The following CDYL2 variants were observed in gnomAD, a reference collection of about 807,000 sequenced individuals.
The protein encoded by CDYL2 is chromodomain Y like 2, also known as chromodomain Y-like protein 2.
Under a neutral mutation model 49.4 loss-of-function variants are expected in CDYL2, and 23 were observed. The ratio of observed to expected loss-of-function variants is 0.47; its 90% confidence interval spans 0.34 to 0.66. The LOEUF (loss-of-function observed/expected upper bound fraction) is 0.66. Among genes scored for constraint, CDYL2 ranks in the 30% least tolerant of loss-of-function variants. The pLI, the probability that CDYL2 is intolerant of heterozygous loss-of-function variation, is 0.01. For synonymous variants in CDYL2, 360 were observed against 268.8 expected, an observed-to-expected ratio of 1.34 and a Z score of -3.32; for missense variants, 678 against 656.4, an observed-to-expected ratio of 1.03 and a Z score of -0.36.
In CDYL2 at chr16:80,677,472, C is replaced by T. The variant is rs190150709; in HGVS notation, c.616+7066G>A. Among the ~76,000 whole-genome samples, 518 of 152,264 alleles carry T rather than the reference C, an allele frequency of 3.4e-3. 4 individuals are homozygous for T. Among genetic ancestry groups the T allele is most frequent in the African/African-American group, 0.012 (491 of 41,554 alleles). On this transcript the variant is annotated intron_variant, in intron 2 of 6. Coordinates refer to ENST00000570137, the MANE Select transcript of CDYL2 (RefSeq NM_152342.4). ...AGGAGGTGTCGGCCAGGCGCAGTGGCGCACGCCTGGAATCCCAGCACTTTG... is the reference window on the plus strand; with the variant it reads ...AGGAGGTGTCGGCCAGGCGCAGTGGTGCACGCCTGGAATCCCAGCACTTTG...
At chr16:80,606,709 G>T (rs7194920) in intron 6 of CDYL2, among the ~76,000 whole-genome samples, 1 of 152,074 alleles carries the variant, frequency 6.6e-6, no homozygotes, top group South Asian at 2.1e-4. Flanking sequence ...AGCTCCCATA[G>T]TTCCCACATG....
chr16:80,754,598 C>G (rs1233526011), intron 1 of CDYL2, among the ~76,000 whole-genome samples: 1 of 152,196 alleles, frequency 6.6e-6, no homozygotes, highest in African/African-American at 2.4e-5. Flanking sequence ...TCCACAGCTT[C>G]TCAGTGCTGT....
intron 1 of CDYL2, among the ~76,000 whole-genome samples, chr16:80,786,703 A>T (rs939765398): frequency 2.6e-5 from 4 of 152,324 alleles, no homozygotes; most frequent in African/African-American, 9.6e-5. Context: ...GGATTAAGAA[A>T]ATGTGGCACA....
intron 2 of CDYL2, among the ~76,000 whole-genome samples, chr16:80,645,080 C>T (rs1366092348): frequency 2.6e-5 from 4 of 152,156 alleles, no homozygotes; most frequent in Non-Finnish European, 5.9e-5. Context: ...TAGGCATGGA[C>T]AGGGACTTCA....
At chr16:80,721,687 G>C (rs948219202) in intron 1 of CDYL2, among the ~76,000 whole-genome samples, 3 of 152,132 alleles carry the variant, frequency 2.0e-5, no homozygotes, top group African/African-American at 7.2e-5. Flanking sequence ...AATCAGGATT[G>C]AAATCAAGCA....
In CDYL2 at chr16:80,623,442, G is replaced by T. The variant is rs528811462; in HGVS notation, c.835-2507C>A. 2.0e-5 allele frequency among the ~76,000 whole-genome samples: 3 copies of T among 150,658 alleles called. No homozygotes were observed. The East Asian group carries it at 6.1e-4, about 30-fold the overall frequency. ...GTCCCCGTTTATATACTGACCCTACGGAACAGGTCAGCTTCTGCCCCAAGC... is the reference window on the plus strand; with the variant it reads ...GTCCCCGTTTATATACTGACCCTACTGAACAGGTCAGCTTCTGCCCCAAGC... On this transcript the variant is annotated intron_variant, in intron 3 of 6. Transcript: ENST00000570137.
In CDYL2 at chr16:80,781,954, A is replaced by G. The variant is rs535629913; in HGVS notation, c.24+22196T>C. Among the ~76,000 whole-genome samples the G allele has an allele frequency of 4.6e-5, 7 of 152,136 alleles. No individual in the cohort carries two copies. The South Asian group carries it at 1.2e-3, about 27-fold the overall frequency. Reference sequence around the variant, plus strand: ...AACACCTACATTAAAAAAGAAAAAAAAAGACATCAATAACCTAACTGCATA... The same window carrying G: ...AACACCTACATTAAAAAAGAAAAAAGAAGACATCAATAACCTAACTGCATA... On this transcript the variant is annotated intron_variant, in intron 1 of 6. Transcript: ENST00000570137.
At chr16:80,727,825 C>T (rs1191627205) in intron 1 of CDYL2, among the ~76,000 whole-genome samples, 1 of 152,184 alleles carries the variant, frequency 6.6e-6, no homozygotes, top group Admixed American at 6.5e-5. Context: ...AAAGGCACCC[C>T]CCAGCAGGGG....
intron 2 of CDYL2, among the ~76,000 whole-genome samples, chr16:80,665,634 C>T (rs1444119246): frequency 6.6e-6 from 1 of 151,838 alleles, no homozygotes; most frequent in Non-Finnish European, 1.5e-5. Context: ...GAACTCAGGA[C>T]AGACCCTCTT....
At chr16:80,785,334 A>G (rs534990134) in intron 1 of CDYL2, among the ~76,000 whole-genome samples, 1 of 152,288 alleles carries the variant, frequency 6.6e-6, no homozygotes, top group African/African-American at 2.4e-5. Flanking sequence ...ACAAACAGAG[A>G]GCCAAATCAT....
chr16:80,724,547 A>G (rs1905104855), intron 1 of CDYL2, among the ~76,000 whole-genome samples: 2 of 152,238 alleles, frequency 1.3e-5, no homozygotes, highest in African/African-American at 4.8e-5. Flanking sequence ...CCTCAAGCAC[A>G]TAACACACAC....
At chr16:80,782,990 C>T (rs187977244) in intron 1 of CDYL2, among the ~76,000 whole-genome samples, 1 of 152,160 alleles carries the variant, frequency 6.6e-6, no homozygotes, top group East Asian at 1.9e-4. Flanking sequence ...ACTGGAAGTT[C>T]TGCCTTAAAC....
chr16:80,768,213 A>G (rs1432316684), intron 1 of CDYL2, among the ~76,000 whole-genome samples: 1 of 152,080 alleles, frequency 6.6e-6, no homozygotes, highest in African/African-American at 2.4e-5. Flanking sequence ...CATACTAGAG[A>G]TCCTGACAAT....
At chr16:80,645,711 A>C (rs1224123567) in intron 2 of CDYL2, among the ~76,000 whole-genome samples, 1 of 152,078 alleles carries the variant, frequency 6.6e-6, no homozygotes, top group Non-Finnish European at 1.5e-5. Context: ...CACCATTCAC[A>C]ATAGCAAAGA....
chr16:80,625,299 T>A (rs1907253436), intron 3 of CDYL2, among the ~76,000 whole-genome samples: 1 of 152,194 alleles, frequency 6.6e-6, no homozygotes, highest in Non-Finnish European at 1.5e-5. Context: ...CCTTCCTCCA[T>A]CATCAAAGGC....
chr16:80,687,779 G>A (rs1910257271), intron 1 of CDYL2, among the ~76,000 whole-genome samples: 1 of 152,214 alleles, frequency 6.6e-6, no homozygotes, highest in Middle Eastern at 3.4e-3. Flanking sequence ...AACCTCTTTG[G>A]GCCTCAGATG....
intron 1 of CDYL2, among the ~76,000 whole-genome samples, chr16:80,754,758 G>A (rs940499553): frequency 1.2e-4 from 19 of 152,164 alleles, no homozygotes; most frequent in South Asian, 2.1e-4. Flanking sequence ...TTATTAGTTT[G>A]AGCTTTTAGA....
rs768024090 is a variant in CDYL2 at position 80,682,830 on chromosome 16, G to A, written c.616+1708C>T. Among the ~76,000 whole-genome samples the A allele has an allele frequency of 5.3e-5, 8 of 152,156 alleles. 1 individual carries two copies. The East Asian group carries it at 7.7e-4, about 15-fold the overall frequency. On this transcript the variant is annotated intron_variant, in intron 2 of 6. Transcript: ENST00000570137. ...CATTTACACGAGCCCACTTCTCCCC[G>A]AGAGATGAATTTCTAAAACAAACAG...
chr16:80,663,278 G>T (rs1392360304), intron 2 of CDYL2, among the ~76,000 whole-genome samples: 2 of 151,488 alleles, frequency 1.3e-5, no homozygotes, highest in East Asian at 3.9e-4. Flanking sequence ...ATCATGTCAG[G>T]AGGTGAGGTG....
Sources: gnomAD v4.1 joint callset for allele counts (sites outside exome capture counted in the v4.1 genomes callset) on GRCh38, gnomAD v4.1.1 for gene constraint, MANE v1.5 for transcripts, NCBI Gene and HGNC (gene_info 2026-07-23, HGNC 2026-07-21) for gene names.